Variants in CRPPA observed in about 807,000 individuals in gnomAD.
CRPPA encodes CDP-L-ribitol pyrophosphorylase A, also known as D-ribitol-5-phosphate cytidylyltransferase.
Under a neutral mutation model 52.0 loss-of-function variants are expected in CRPPA, and 43 were observed. The observed-to-expected ratio is 0.83, with a 90% CI of 0.65 to 1.07. The LOEUF (loss-of-function observed/expected upper bound fraction) is 1.07. Ranked by LOEUF, CRPPA falls within the 50% of genes least tolerant of loss-of-function variation. CRPPA has a pLI of 0.00. For synonymous variants in CRPPA, 250 were observed against 203.5 expected (o/e 1.23, Z -1.94); for missense variants, 629 against 551.7 (o/e 1.14, Z -1.40).
At chr7:16,330,534 T>C (rs912890593) in intron 3 of CRPPA, among the ~76,000 whole-genome samples, 1 of 152,148 alleles carries the variant, frequency 6.6e-6, no homozygotes, top group Non-Finnish European at 1.5e-5. Context: ...AACAAGTGCC[T>C]GCATAGGGAA....
Position 16,421,128 on chromosome 7 carries a change from C to A in CRPPA, c.195G>T (p.Pro65=). ...TCTCCAGGATGGGGCAGAATTGCTTCGGGGTGGGGACCCCCATCCTCTCCC... is the reference window on the plus strand; with the variant it reads ...TCTCCAGGATGGGGCAGAATTGCTTAGGGGTGGGGACCCCCATCCTCTCCC... ...GCGERMGVPT[P]KQFCPILERP... is the part of the protein sequence containing the mutation. Residue 65 remains proline (P), a synonymous_variant, in exon 1 of 10, where the codon CCG becomes CCT. Coordinates refer to ENST00000407010, the MANE Select transcript of CRPPA (RefSeq NM_001101426.4). 7.6e-7 allele frequency: 1 copy of A among 1,321,536 alleles called. No individual in the cohort carries two copies. The allele number at this position is 1,321,536 out of a possible 1,614,324, so 81.9% of individuals were successfully genotyped here. A position where few individuals can be genotyped will look rare whatever the true frequency, so the allele number is the denominator to read the frequency against.
intron 9 of CRPPA, among the ~76,000 whole-genome samples, chr7:16,102,171 A>C (rs1782058847): frequency 6.6e-6 from 1 of 152,188 alleles, no homozygotes. Flanking sequence ...CAGCCATCTG[A>C]TCTTTCACCA....
chr7:16,242,976 CA>C (rs1783166385), intron 8 of CRPPA, among the ~76,000 whole-genome samples: 1 of 152,164 alleles, frequency 6.6e-6, no homozygotes, highest in Non-Finnish European at 1.5e-5. Context: ...TGCTTTACTT[CA>C]AGTAATCAAT....
chr7:16,252,353 C>A (rs1231899056), intron 8 of CRPPA, among the ~76,000 whole-genome samples: 1 of 152,148 alleles, frequency 6.6e-6, no homozygotes, highest in Admixed American at 6.6e-5. Flanking sequence ...AATTCACAAG[C>A]CCTTCATGCT....
chr7:16,157,883 T>A (rs1333597737), intron 9 of CRPPA, among the ~76,000 whole-genome samples: 4 of 151,932 alleles, frequency 2.6e-5, no homozygotes, highest in African/African-American at 2.4e-5. Context: ...TTTTTTTTTT[T>A]ATTTTTTTTG....
intron 3 of CRPPA, among the ~76,000 whole-genome samples, chr7:16,345,234 C>G (rs1019387684): frequency 1.3e-5 from 2 of 152,076 alleles, no homozygotes; most frequent in African/African-American, 4.8e-5. Context: ...GACTGTCAAC[C>G]AAGTATTCTA....
chr7:16,105,119 G>A (rs1369867468), intron 9 of CRPPA, among the ~76,000 whole-genome samples: 1 of 152,156 alleles, frequency 6.6e-6, no homozygotes, highest in African/African-American at 2.4e-5. Flanking sequence ...TTATACAGGT[G>A]TAGAATAGGT....
chr7:16,370,759 G>T (rs1435151786), intron 3 of CRPPA, among the ~76,000 whole-genome samples: 1 of 152,012 alleles, frequency 6.6e-6, no homozygotes, highest in Non-Finnish European at 1.5e-5. Flanking sequence ...TTGGAGAAGG[G>T]GTCCTTGTCC....
intron 5 of CRPPA, among the ~76,000 whole-genome samples, chr7:16,293,781 T>A (rs762493461): frequency 6.6e-6 from 1 of 151,988 alleles, no homozygotes; most frequent in Non-Finnish European, 1.5e-5. Flanking sequence ...CTTAATATTA[T>A]CAGATCTTAA....
At chr7:16,378,364 G>C (rs1199602867) in intron 2 of CRPPA, among the ~76,000 whole-genome samples, 1 of 147,542 alleles carries the variant, frequency 6.8e-6, no homozygotes, top group Non-Finnish European at 1.5e-5. Context: ...TGCGGTGTTT[G>C]GTTTTTTGTA....
At chr7:16,166,021 T>C (rs1781057404) in intron 9 of CRPPA, among the ~76,000 whole-genome samples, 1 of 152,246 alleles carries the variant, frequency 6.6e-6, no homozygotes, top group East Asian at 1.9e-4. Context: ...GATCACATTC[T>C]GTCTAAACAT....
chr7:16,133,000 T>A (rs1223678208), intron 9 of CRPPA, among the ~76,000 whole-genome samples: 1 of 122,430 alleles, frequency 8.2e-6, no homozygotes, highest in African/African-American at 2.6e-5. Flanking sequence ...CTACAAAAAA[T>A]ACAAAAATTA....
At chr7:16,399,725 A>C (rs1583580129) in intron 2 of CRPPA, among the ~76,000 whole-genome samples, 1 of 151,738 alleles carries the variant, frequency 6.6e-6, no homozygotes, top group Non-Finnish European at 1.5e-5. Context: ...GACATGACTG[A>C]CATATGATTG....
Position 16,247,088 on chromosome 7 carries a change from C to G in CRPPA, c.1119+11302G>C, listed in dbSNP as rs1783297331. On this transcript the variant is annotated intron_variant, in intron 8 of 9. Coordinates refer to ENST00000407010, the MANE Select transcript of CRPPA (RefSeq NM_001101426.4). ...TCATCAATTATCTCAGCTAGATCTT[C>G]TGGATAACTTAGCGCAGCCTCAACA... Among the ~76,000 whole-genome samples the G allele has an allele frequency of 2.0e-5, 3 of 152,240 alleles. No individual in the cohort carries two copies. In the South Asian group the frequency reaches 6.2e-4, roughly 31 times the overall value.
At chr7:16,192,282 G>C (rs1476433222) in intron 9 of CRPPA, among the ~76,000 whole-genome samples, 20 of 152,002 alleles carry the variant, frequency 1.3e-4, no homozygotes, top group Non-Finnish European at 1.5e-5. Context: ...ATATTCTATT[G>C]GTTCTGTGTC....
intron 3 of CRPPA, among the ~76,000 whole-genome samples, chr7:16,357,612 G>C (rs578238822): frequency 4.6e-5 from 7 of 152,256 alleles, no homozygotes; most frequent in East Asian, 1.9e-4. Flanking sequence ...GATAGTAGCT[G>C]TCTGCCTTGT....
intron 9 of CRPPA, 35 bp downstream of exon 9, chr7:16,216,030 CA>C: frequency 1.3e-6 from 2 of 1,505,250 alleles, no homozygotes; most frequent in Admixed American, 4.2e-5. Flanking sequence ...AACTAGTCTA[CA>C]GAACATACAT....
At chr7:16,310,870 GC>G (rs1785021824) in intron 3 of CRPPA, among the ~76,000 whole-genome samples, 1 of 152,080 alleles carries the variant, frequency 6.6e-6, no homozygotes, top group Non-Finnish European at 1.5e-5. Flanking sequence ...GAACAAAGAA[GC>G]AAATTAATCA....
chr7:16,340,294 A>G (rs1356381666), intron 3 of CRPPA, among the ~76,000 whole-genome samples: 2 of 152,144 alleles, frequency 1.3e-5, no homozygotes, highest in African/African-American at 4.8e-5. Context: ...GACACCATAA[A>G]GAAAATGAAA....
Sources: allele counts gnomAD v4.1 joint callset (sites outside exome capture counted in the v4.1 genomes callset), GRCh38; gene constraint gnomAD v4.1.1; transcripts MANE v1.5; gene names NCBI Gene and HGNC (gene_info 2026-07-23, HGNC 2026-07-21).